The following RFC3 variants were observed in gnomAD, a reference collection of about 807,000 sequenced individuals.
RFC3 encodes the protein A1 38 kDa subunit.
RFC3 carries 41 observed loss-of-function variants against 45.1 expected under a neutral mutation model. That is an observed-to-expected ratio of 0.91 (90% CI 0.71 to 1.18). RFC3 has a LOEUF of 1.18. Ranked by LOEUF, RFC3 falls within the 50% of genes most tolerant of loss-of-function variation. The pLI, the probability that RFC3 is intolerant of heterozygous loss-of-function variation, is 0.00. For missense variants in RFC3, 423 were observed against 428.1 expected, an observed-to-expected ratio of 0.99 and a Z score of 0.10; for synonymous variants, 149 against 144.0, an observed-to-expected ratio of 1.03 and a Z score of -0.25.
At chr13:33,907,753 AT>A (rs1387407512) in intron 8 of RFC3, among the ~76,000 whole-genome samples, 1 of 152,084 alleles carries the variant, frequency 6.6e-6, no homozygotes, top group Non-Finnish European at 1.5e-5. Context: ...TAATCTTTTA[AT>A]TTTTGGTACA....
At position 33,854,622 on chromosome 13, in the gene RFC3, G is replaced by T. The variant is rs116451108; in HGVS notation, c.879+19405G>T. Among the ~76,000 whole-genome samples, 1,010 of 152,240 alleles carry T rather than the reference G, an allele frequency of 6.6e-3. 11 individuals are homozygous for T. The highest frequency in any genetic ancestry group is 0.024 in the African/African-American group (980 of 41,558). ...GCTACAGATGGTGGAAATAGCCCCTGTGGCACAGGACTAAGAATGGCTGCC... is the reference window on the plus strand; with the variant it reads ...GCTACAGATGGTGGAAATAGCCCCTTTGGCACAGGACTAAGAATGGCTGCC... On this transcript the variant is annotated intron_variant, in intron 8 of 8. Transcript: ENST00000434425.
chr13:33,936,320 G>A (rs1194277070), intron 8 of RFC3, among the ~76,000 whole-genome samples: 2 of 152,030 alleles, frequency 1.3e-5, no homozygotes, highest in African/African-American at 4.8e-5. Context: ...GAGATCCTAG[G>A]GGTGGATTTG....
intron 8 of RFC3, among the ~76,000 whole-genome samples, chr13:33,945,270 G>C (rs926855595): frequency 6.6e-6 from 1 of 152,164 alleles, no homozygotes; most frequent in Non-Finnish European, 1.5e-5. Flanking sequence ...CTAGGGTTAA[G>C]GTTATGTCCT....
At chr13:33,903,374 T>C (rs1263518616) in intron 8 of RFC3, among the ~76,000 whole-genome samples, 16 of 151,982 alleles carry the variant, frequency 1.1e-4, no homozygotes, top group Admixed American at 1.0e-3. Flanking sequence ...ACAGTAGGTG[T>C]AAAAAAAATC....
At chr13:33,839,202 C>T (rs1339748833), downstream of RFC3, among the ~76,000 whole-genome samples, 4 of 152,152 alleles carry the variant, frequency 2.6e-5, no homozygotes, top group African/African-American at 9.7e-5. Flanking sequence ...TTAGCTTAAC[C>T]CCTCTGTGGT....
chr13:33,974,186 T>C, the RFC3 span, among the ~76,000 whole-genome samples: 2 of 152,238 alleles, frequency 1.3e-5, no homozygotes, highest in African/African-American at 2.4e-5. Context: ...AAGCTTTAAA[T>C]CTTTCATTTG....
chr13:33,939,502 T>C (rs1039708548), intron 8 of RFC3, among the ~76,000 whole-genome samples: 50 of 152,350 alleles, frequency 3.3e-4, no homozygotes, highest in African/African-American at 1.1e-3. Context: ...TATCTTGCCA[T>C]GTGCATTGCT....
intron 8 of RFC3, among the ~76,000 whole-genome samples, chr13:33,940,226 A>C (rs1226145878): frequency 2.0e-5 from 3 of 151,868 alleles, no homozygotes; most frequent in Non-Finnish European, 4.4e-5. Context: ...AAATGTTATA[A>C]TTTTTTTTCT....
At chr13:33,825,665 C>T (rs923509448) in intron 3 of RFC3, 124 bp from the exon 4 acceptor site, 7 of 450,980 alleles carry the variant, frequency 1.6e-5, no homozygotes, top group African/African-American at 1.4e-4. Context: ...TTTTGAAGGG[C>T]TTATAATTAT....
chr13:33,898,704 A>C (rs2082617712), intron 8 of RFC3, among the ~76,000 whole-genome samples: 1 of 151,828 alleles, frequency 6.6e-6, no homozygotes. Context: ...ACAAAAAATC[A>C]ACAAAACAAA....
chr13:33,905,312 A>T, intron 8 of RFC3, among the ~76,000 whole-genome samples: 1 of 152,124 alleles, frequency 6.6e-6, no homozygotes, highest in African/African-American at 2.4e-5. Flanking sequence ...TCACATTTTA[A>T]CATCTCTGAA....
chr13:33,818,521 A>C (rs1430861102), intron 1 of RFC3, among the ~76,000 whole-genome samples: 1 of 152,272 alleles, frequency 6.6e-6, no homozygotes, highest in African/African-American at 2.4e-5. Flanking sequence ...ATCCGAGCAA[A>C]GAGTGGAACA....
intron 8 of RFC3, among the ~76,000 whole-genome samples, chr13:33,964,675 A>G (rs1272217422): frequency 6.6e-6 from 1 of 152,204 alleles, no homozygotes; most frequent in Non-Finnish European, 1.5e-5. Context: ...CCTGGACCAC[A>G]TCACCAATTG....
chr13:33,841,631 A>C (rs77621279), downstream of RFC3, among the ~76,000 whole-genome samples: 1 of 152,202 alleles, frequency 6.6e-6, no homozygotes, highest in African/African-American at 2.4e-5. Flanking sequence ...ATTGGTAATT[A>C]CATTTTGGGG....
At chr13:33,845,939 T>A (rs2082233822) in intron 8 of RFC3, among the ~76,000 whole-genome samples, 1 of 152,146 alleles carries the variant, frequency 6.6e-6, no homozygotes, top group Admixed American at 6.5e-5. Flanking sequence ...CAGAGAAAAT[T>A]GAGTGTTGTG....
chr13:33,882,217 T>C (rs571717783), intron 8 of RFC3, among the ~76,000 whole-genome samples: 45 of 152,358 alleles, frequency 3.0e-4, no homozygotes, highest in African/African-American at 9.1e-4. Flanking sequence ...CAGTATAATA[T>C]AGTGCTATGA....
At chr13:33,883,528 A>G (rs1462764845) in intron 8 of RFC3, among the ~76,000 whole-genome samples, 2 of 152,116 alleles carry the variant, frequency 1.3e-5, no homozygotes, top group Non-Finnish European at 2.9e-5. Context: ...ACACACACAA[A>G]CACTCACACC....
At chr13:33,887,722 G>T (rs1035107281) in intron 8 of RFC3, among the ~76,000 whole-genome samples, 1 of 152,064 alleles carries the variant, frequency 6.6e-6, no homozygotes, top group African/African-American at 2.4e-5. Flanking sequence ...GTCCTGAATG[G>T]TAATGCCTAG....
intron 8 of RFC3, among the ~76,000 whole-genome samples, chr13:33,939,034 C>T (rs2082907036): frequency 6.6e-6 from 1 of 152,030 alleles, no homozygotes; most frequent in Non-Finnish European, 1.5e-5. Flanking sequence ...TGAGCATCTT[C>T]TCATGTATGT....
Sources: gnomAD v4.1 joint callset for allele counts (sites outside exome capture counted in the v4.1 genomes callset) on GRCh38, gnomAD v4.1.1 for gene constraint, MANE v1.5 for transcripts, NCBI Gene and HGNC (gene_info 2026-07-23, HGNC 2026-07-21) for gene names.